Variants in MARCHF1 observed in about 807,000 individuals in gnomAD.
The protein encoded by MARCHF1 is membrane associated ring-CH-type finger 1, also known as E3 ubiquitin-protein ligase MARCHF1.
Under a neutral mutation model 54.2 loss-of-function variants are expected in MARCHF1, and 40 were observed. The observed-to-expected ratio is 0.74, with a 90% CI of 0.57 to 0.96. The LOEUF is 0.96. MARCHF1 is among the 40% of genes least tolerant of loss of function. MARCHF1 has a pLI of 0.00. For synonymous variants in MARCHF1, 236 were observed against 236.3 expected, an observed-to-expected ratio of 1.00 and a Z score of 0.01; for missense variants, 586 against 656.5, an observed-to-expected ratio of 0.89 and a Z score of 1.17.
intron 1 of MARCHF1, among the ~76,000 whole-genome samples, chr4:164,367,684 C>T (rs1010591859): frequency 5.3e-5 from 8 of 149,942 alleles, no homozygotes; most frequent in Middle Eastern, 3.3e-3. Context: ...TTTTCTACAA[C>T]GTTTGTTTAC....
At chr4:164,298,106 T>C (rs1446288970) in intron 1 of MARCHF1, among the ~76,000 whole-genome samples, 1 of 152,134 alleles carries the variant, frequency 6.6e-6, no homozygotes, top group Admixed American at 6.6e-5. Context: ...TAAAAGACCC[T>C]GAGCTTCATT....
chr4:163,733,199 A>ACATACACATG (rs1366717938), intron 4 of MARCHF1, among the ~76,000 whole-genome samples: 2,521 of 39,856 alleles, frequency 0.063, 417 homozygotes, highest in East Asian at 0.33. Flanking sequence ...ATATATATAT[A>ACATACACATG]TATATATATA....
At chr4:163,795,396 AT>A (rs1561081534) in intron 4 of MARCHF1, among the ~76,000 whole-genome samples, 1 of 151,852 alleles carries the variant, frequency 6.6e-6, no homozygotes, top group Non-Finnish European at 1.5e-5. Flanking sequence ...GGCCCAGCTA[AT>A]TTTTGTATTT....
intron 3 of MARCHF1, among the ~76,000 whole-genome samples, chr4:163,858,830 T>C (rs550742390): frequency 1.9e-3 from 291 of 152,314 alleles, no homozygotes; most frequent in Middle Eastern, 3.4e-3. Context: ...CATGAATTGT[T>C]CCTAAAGACT....
chr4:164,291,153 T>C (rs561832591), intron 1 of MARCHF1, among the ~76,000 whole-genome samples: 41 of 152,106 alleles, frequency 2.7e-4, no homozygotes, highest in African/African-American at 9.9e-4. Flanking sequence ...AAATACTTGA[T>C]AATTTTTGAA....
chr4:163,596,072 C>A (rs976155396), intron 7 of MARCHF1, among the ~76,000 whole-genome samples: 1 of 151,662 alleles, frequency 6.6e-6, no homozygotes, highest in African/African-American at 2.4e-5. Context: ...AAGCTAGTGT[C>A]ATAGTGTGAG....
intron 3 of MARCHF1, among the ~76,000 whole-genome samples, chr4:163,976,874 G>C (rs1044060257): frequency 2.6e-5 from 4 of 152,116 alleles, no homozygotes; most frequent in African/African-American, 9.7e-5. Flanking sequence ...AGTCACCGTA[G>C]AGTAACAGAC....
At chr4:164,089,890 T>C (rs75292540) in intron 2 of MARCHF1, among the ~76,000 whole-genome samples, 9,387 of 151,928 alleles carry the variant, frequency 0.062, 418 homozygotes, top group East Asian at 0.19. Flanking sequence ...TTATTTCTTA[T>C]ATGTAAATCT....
chr4:163,739,979 T>C (rs1391570147), intron 4 of MARCHF1, among the ~76,000 whole-genome samples: 2 of 152,224 alleles, frequency 1.3e-5, no homozygotes, highest in Non-Finnish European at 2.9e-5. Flanking sequence ...AACTGTGGTC[T>C]ATTTTTTTTC....
intron 2 of MARCHF1, among the ~76,000 whole-genome samples, chr4:164,020,912 T>A (rs1455238164): frequency 6.6e-6 from 1 of 152,130 alleles, no homozygotes; most frequent in East Asian, 1.9e-4. Flanking sequence ...GCCTGGGTGA[T>A]AAAGACCATA....
chr4:164,264,919 G>GAAA (rs769358099), intron 1 of MARCHF1, among the ~76,000 whole-genome samples: 1 of 115,276 alleles, frequency 8.7e-6, no homozygotes, highest in African/African-American at 3.6e-5. Flanking sequence ...AGACTCTGTC[G>GAAA]AAAAAAAAAA....
At chr4:163,735,604 T>A (rs1746011068) in intron 4 of MARCHF1, among the ~76,000 whole-genome samples, 1 of 152,184 alleles carries the variant, frequency 6.6e-6, no homozygotes, top group African/African-American at 2.4e-5. Context: ...GTGAAGTTTC[T>A]TGTATAAGAA....
intron 1 of MARCHF1, among the ~76,000 whole-genome samples, chr4:164,276,144 T>C (rs538254856): frequency 2.0e-5 from 3 of 152,274 alleles, no homozygotes; most frequent in South Asian, 4.1e-4. Flanking sequence ...CTAGAGGACA[T>C]GGAATCTGTT....
chr4:164,146,243 C>T (rs372046364), intron 1 of MARCHF1, among the ~76,000 whole-genome samples: 19,604 of 144,882 alleles, frequency 0.14, 1,724 homozygotes, highest in African/African-American at 0.25. Flanking sequence ...AATGGCCATA[C>T]TGCCCAAGGT....
intron 4 of MARCHF1, among the ~76,000 whole-genome samples, chr4:163,772,550 C>T (rs1747191033): frequency 6.6e-6 from 1 of 152,108 alleles, no homozygotes; most frequent in African/African-American, 2.4e-5. Flanking sequence ...CTTGAGGTTC[C>T]AGCTCCTAGA....
intron 1 of MARCHF1, among the ~76,000 whole-genome samples, chr4:164,365,019 G>A (rs1730839021): frequency 6.6e-6 from 1 of 151,830 alleles, no homozygotes; most frequent in African/African-American, 2.4e-5. Context: ...CCTCAAAATT[G>A]ATAATTATGG....
At chr4:163,912,681 T>C (rs1022135677) in intron 3 of MARCHF1, among the ~76,000 whole-genome samples, 4 of 152,168 alleles carry the variant, frequency 2.6e-5, no homozygotes, top group African/African-American at 9.7e-5. Context: ...TTCTTCTTGT[T>C]TGTGATAATG....
chr4:164,221,731 A>C (rs895854363), intron 1 of MARCHF1, among the ~76,000 whole-genome samples: 1 of 152,002 alleles, frequency 6.6e-6, no homozygotes. Flanking sequence ...CATGGTCACA[A>C]GACAGCTGCT....
chr4:163,562,561 C>T (rs948360525), intron 8 of MARCHF1, among the ~76,000 whole-genome samples: 1 of 152,092 alleles, frequency 6.6e-6, no homozygotes, highest in Non-Finnish European at 1.5e-5. Context: ...AGTTCCCAGG[C>T]CTTCACCTTC....
Sources: allele counts gnomAD v4.1 joint callset (sites outside exome capture counted in the v4.1 genomes callset), GRCh38; gene constraint gnomAD v4.1.1; transcripts MANE v1.5; gene names NCBI Gene and HGNC (gene_info 2026-07-23, HGNC 2026-07-21).